The following BCL2 variants were observed in gnomAD, a reference collection of about 807,000 sequenced individuals.
BCL2 encodes the protein BCL2 apoptosis regulator, also known as apoptosis regulator Bcl-2.
A neutral mutation model predicts 14.2 loss-of-function variants in BCL2; 1 was observed. The ratio of observed to expected loss-of-function variants is 0.07; its 90% CI spans 0.02 to 0.33. The LOEUF (loss-of-function observed/expected upper bound fraction) is 0.33. Ranked by LOEUF, BCL2 falls within the 10% of genes least tolerant of loss-of-function variation. BCL2 has a pLI of 0.99. For missense variants in BCL2, 247 were observed against 305.9 expected (o/e 0.81, Z 1.44); for synonymous variants, 151 against 137.2 (o/e 1.10, Z -0.70).
intron 2 of BCL2, among the ~76,000 whole-genome samples, chr18:63,218,082 T>C (rs953026559): frequency 3.9e-5 from 6 of 152,212 alleles, no homozygotes; most frequent in African/African-American, 1.4e-4. Context: ...CTTCTCTTTC[T>C]CTGCATCGGT....
intron 2 of BCL2, among the ~76,000 whole-genome samples, chr18:63,213,418 T>A (rs11659758): frequency 0.42 from 63,861 of 151,874 alleles, 16,269 homozygotes; most frequent in Non-Finnish European, 0.58. Context: ...CAAGAAAGAC[T>A]TCATACTTTA....
intron 2 of BCL2, among the ~76,000 whole-genome samples, chr18:63,214,225 G>A (rs145997290): frequency 2.6e-5 from 4 of 152,330 alleles, no homozygotes; most frequent in African/African-American, 7.2e-5. Flanking sequence ...CAGCAGGGAC[G>A]AGTGCAGAAA....
chr18:63,296,386 C>T (rs973576634), intron 2 of BCL2, among the ~76,000 whole-genome samples: 1 of 152,084 alleles, frequency 6.6e-6, no homozygotes, highest in Non-Finnish European at 1.5e-5. Context: ...CAGCCTCAAC[C>T]TCCCATCTCA....
At chr18:63,286,855 T>G (rs1321577083) in intron 2 of BCL2, among the ~76,000 whole-genome samples, 1 of 152,094 alleles carries the variant, frequency 6.6e-6, no homozygotes. Flanking sequence ...GATGTCATTA[T>G]CCCCATTGCA....
intron 2 of BCL2, among the ~76,000 whole-genome samples, chr18:63,131,131 C>T (rs989390666): frequency 1.3e-5 from 2 of 152,136 alleles, no homozygotes; most frequent in African/African-American, 4.8e-5. Context: ...GGCTGAGAAA[C>T]TCTGGTTTAT....
chr18:63,214,668 C>T (rs1005433336), intron 2 of BCL2, among the ~76,000 whole-genome samples: 7 of 151,792 alleles, frequency 4.6e-5, no homozygotes, highest in Non-Finnish European at 5.9e-5. Flanking sequence ...AATTACATTT[C>T]GGGCCCTAAG....
intron 2 of BCL2, among the ~76,000 whole-genome samples, chr18:63,165,536 TC>T (rs1389582870): frequency 6.6e-6 from 1 of 152,198 alleles, no homozygotes; most frequent in East Asian, 1.9e-4. Context: ...CTCAGCAGGC[TC>T]ATCCACACTC....
intron 2 of BCL2, among the ~76,000 whole-genome samples, chr18:63,169,528 T>A (rs1915174843): frequency 6.8e-6 from 1 of 147,666 alleles, no homozygotes; most frequent in Non-Finnish European, 1.5e-5. Context: ...CTCTTTTTTT[T>A]CTTCCTTCCT....
chr18:63,312,430 A>G (rs1468199171), intron 2 of BCL2, among the ~76,000 whole-genome samples: 1 of 152,236 alleles, frequency 6.6e-6, no homozygotes, highest in Non-Finnish European at 1.5e-5. Flanking sequence ...TATAGCATAT[A>G]CAGAATTGGG....
chr18:63,173,338 C>A (rs1357570201), intron 2 of BCL2, among the ~76,000 whole-genome samples: 1 of 152,202 alleles, frequency 6.6e-6, no homozygotes, highest in African/African-American at 2.4e-5. Context: ...AAAATACACA[C>A]AAGCCAAAAA....
At chr18:63,261,050 C>T (rs1911644671) in intron 2 of BCL2, among the ~76,000 whole-genome samples, 1 of 152,210 alleles carries the variant, frequency 6.6e-6, no homozygotes, top group Non-Finnish European at 1.5e-5. Context: ...CTTATCCAAA[C>T]ACTGGCTGAT....
intron 2 of BCL2, chr18:63,317,515 G>A: frequency 2.0e-6 from 2 of 977,746 alleles, no homozygotes; most frequent in Non-Finnish European, 2.4e-6. Flanking sequence ...AAGTTTTTCA[G>A]GGAAAAAGAC....
intron 2 of BCL2, among the ~76,000 whole-genome samples, chr18:63,266,604 ATCTCTCTCTCTC>A (rs36078664): frequency 8.5e-5 from 12 of 141,554 alleles, no homozygotes; most frequent in Middle Eastern, 3.6e-3. Context: ...TGGAACATAA[ATCTCTCTCTCTC>A]TCTCTCTCTC....
intron 2 of BCL2, among the ~76,000 whole-genome samples, chr18:63,133,398 C>A (rs1251054065): frequency 2.3e-5 from 3 of 129,698 alleles, no homozygotes; most frequent in African/African-American, 8.7e-5. Context: ...TCAAGCAATT[C>A]TTCTGCCTCA....
chr18:63,289,880 G>A (rs762500273), intron 2 of BCL2, among the ~76,000 whole-genome samples: 1 of 152,144 alleles, frequency 6.6e-6, no homozygotes, highest in Non-Finnish European at 1.5e-5. Flanking sequence ...GTGACAGAGC[G>A]AGACTCCACC....
chr18:63,273,017 G>GAAAA (rs59800965), intron 2 of BCL2, among the ~76,000 whole-genome samples: 15 of 109,680 alleles, frequency 1.4e-4, no homozygotes, highest in African/African-American at 5.0e-4. Context: ...GACAGAGATT[G>GAAAA]AAAAAAAAAA....
chr18:63,169,298 T>C (rs1915139030), intron 2 of BCL2, among the ~76,000 whole-genome samples: 1 of 86,996 alleles, frequency 1.1e-5, no homozygotes, highest in South Asian at 4.6e-4. Flanking sequence ...CTTTCTTTCT[T>C]TCTTTCTTTC....
intron 2 of BCL2, among the ~76,000 whole-genome samples, chr18:63,259,785 A>G (rs1199234517): frequency 6.6e-6 from 1 of 152,242 alleles, no homozygotes; most frequent in Non-Finnish European, 1.5e-5. Context: ...GTCACAATTC[A>G]AATACTCGCT....
chr18:63,140,105 T>C (rs956451930), intron 2 of BCL2, among the ~76,000 whole-genome samples: 1 of 152,124 alleles, frequency 6.6e-6, no homozygotes, highest in African/African-American at 2.4e-5. Context: ...CAAGGAGAGA[T>C]CACATCCACT....
Sources: allele counts gnomAD v4.1 joint callset (sites outside exome capture counted in the v4.1 genomes callset), GRCh38; gene constraint gnomAD v4.1.1; transcripts MANE v1.5; gene names NCBI Gene and HGNC (gene_info 2026-07-23, HGNC 2026-07-21).